DPP10: variants seen among roughly 807,000 people sequenced by gnomAD.
DPP10 encodes inactive dipeptidyl peptidase 10.
Under a neutral mutation model 120.9 loss-of-function variants are expected in DPP10, and 33 were observed. The observed-to-expected ratio is 0.27, with a 90% confidence interval of 0.21 to 0.37. The LOEUF (loss-of-function observed/expected upper bound fraction) is 0.37. Among genes scored for constraint, DPP10 ranks in the 10% least tolerant of loss-of-function variants. The pLI is 1.00. For missense variants in DPP10, 816 were observed against 942.8 expected (o/e 0.87, Z 1.76); for synonymous variants, 337 against 326.1 (o/e 1.03, Z -0.36).
intron 5 of DPP10, among the ~76,000 whole-genome samples, chr2:115,652,691 T>A (rs1197615666): frequency 6.6e-6 from 1 of 151,850 alleles, no homozygotes; most frequent in Non-Finnish European, 1.5e-5. Flanking sequence ...TGATGTACCA[T>A]TTCGAGAACA....
chr2:115,179,441 T>G (rs980643157), intron 1 of DPP10, among the ~76,000 whole-genome samples: 1 of 152,170 alleles, frequency 6.6e-6, no homozygotes, highest in Non-Finnish European at 1.5e-5. Context: ...CGTTTTCTTA[T>G]ATACCGTGGG....
intron 3 of DPP10, among the ~76,000 whole-genome samples, chr2:115,387,444 C>T (rs747534498): frequency 7.2e-5 from 11 of 152,204 alleles, no homozygotes; most frequent in Admixed American, 1.3e-4. Context: ...ATATTGTCCT[C>T]ATAACCAAAC....
chr2:114,567,858 G>A (rs1424558809), intron 1 of DPP10, among the ~76,000 whole-genome samples: 2 of 152,020 alleles, frequency 1.3e-5, no homozygotes, highest in African/African-American at 4.8e-5. Context: ...TGGGGCCTGT[G>A]GGAGGTCGGG....
intron 1 of DPP10, among the ~76,000 whole-genome samples, chr2:114,456,887 GTGTGGTCTATTCCTGGACAC>G (rs1381374522): frequency 6.0e-4 from 92 of 152,308 alleles, no homozygotes; most frequent in African/African-American, 2.0e-3. Context: ...ATTACAGTGT[GTGTGGTCTATTCCTGGACAC>G]TGTGGTTATA....
intron 5 of DPP10, among the ~76,000 whole-genome samples, chr2:115,605,575 A>G (rs1263796797): frequency 1.3e-5 from 2 of 152,092 alleles, no homozygotes; most frequent in Non-Finnish European, 2.9e-5. Context: ...AATGAACTAC[A>G]GATAAGAGGG....
intron 7 of DPP10, among the ~76,000 whole-genome samples, chr2:115,700,991 A>G (rs971441788): frequency 6.6e-6 from 1 of 152,144 alleles, no homozygotes; most frequent in African/African-American, 2.4e-5. Flanking sequence ...GGAAGATGTA[A>G]TCTTGTTATG....
At chr2:115,201,895 A>G (rs1448512995) in intron 1 of DPP10, among the ~76,000 whole-genome samples, 1 of 152,144 alleles carries the variant, frequency 6.6e-6, no homozygotes, top group African/African-American at 2.4e-5. Context: ...ACATTAGGGC[A>G]TTATCGGGTG....
chr2:114,898,596 C>A (rs1693262642), intron 1 of DPP10, among the ~76,000 whole-genome samples: 1 of 151,928 alleles, frequency 6.6e-6, no homozygotes, highest in African/African-American at 2.4e-5. Flanking sequence ...ACAGTTAAAT[C>A]TAAATGTAGC....
chr2:115,253,698 G>T (rs1204270016), intron 1 of DPP10, among the ~76,000 whole-genome samples: 1 of 152,188 alleles, frequency 6.6e-6, no homozygotes, highest in Non-Finnish European at 1.5e-5. Flanking sequence ...CACATCCAAG[G>T]CACACTGCTG....
intron 1 of DPP10, among the ~76,000 whole-genome samples, chr2:114,871,817 A>C (rs998580360): frequency 7.2e-5 from 11 of 152,244 alleles, no homozygotes; most frequent in African/African-American, 2.6e-4. Flanking sequence ...GCAAACTTTC[A>C]TCTGTATTTA....
At chr2:115,677,460 C>T (rs1393571756) in intron 5 of DPP10, among the ~76,000 whole-genome samples, 1 of 148,384 alleles carries the variant, frequency 6.7e-6, no homozygotes, top group Non-Finnish European at 1.5e-5. Flanking sequence ...TTTAAATTCC[C>T]CAATAAAAAG....
At chr2:115,628,770 T>C (rs1307628592) in intron 5 of DPP10, among the ~76,000 whole-genome samples, 1 of 151,852 alleles carries the variant, frequency 6.6e-6, no homozygotes, top group Non-Finnish European at 1.5e-5. Context: ...TTATTTTACA[T>C]TTATTTATTT....
At chr2:114,852,980 T>C (rs1689084800) in intron 1 of DPP10, among the ~76,000 whole-genome samples, 1 of 152,200 alleles carries the variant, frequency 6.6e-6, no homozygotes, top group Non-Finnish European at 1.5e-5. Flanking sequence ...GTGCAGGCTG[T>C]GTTTGATCAG....
At chr2:114,566,824 T>C (rs1255954352) in intron 1 of DPP10, among the ~76,000 whole-genome samples, 1 of 152,222 alleles carries the variant, frequency 6.6e-6, no homozygotes, top group African/African-American at 2.4e-5. Flanking sequence ...CCTCTGGAGC[T>C]GAGGCAGATT....
At position 114,655,063 on chromosome 2, in the gene DPP10, A is replaced by G. The variant is rs1384714927; in HGVS notation, c.60+212225A>G. On this transcript the variant is annotated intron_variant, in intron 1 of 25. Coordinates refer to ENST00000410059, the MANE Select transcript of DPP10 (RefSeq NM_020868.6). ...CCTGTAACTTCGGTGCTTCATACAC[A>G]AAATGGGAACAATTATAACTACCTC... Among the ~76,000 whole-genome samples, 6 of 152,316 alleles carry G rather than the reference A, an allele frequency of 3.9e-5. No individual in the cohort carries two copies. In the South Asian group the frequency reaches 1.2e-3, roughly 32 times the overall value.
chr2:114,562,628 A>G lies in DPP10; in HGVS notation c.60+119790A>G, dbSNP rs147109470. ...TACACTGAATTCCATAAAAGTGACA[A>G]ATGGTACAACATTGTAATAAATAGC... On this transcript the variant is annotated intron_variant, in intron 1 of 25. Coordinates refer to ENST00000410059, the MANE Select transcript of DPP10 (RefSeq NM_020868.6). Among the ~76,000 whole-genome samples, 978 of 152,340 alleles carry G rather than the reference A, an allele frequency of 6.4e-3. 11 individuals carry two copies. The highest frequency in any genetic ancestry group is 0.023 in the African/African-American group (949 of 41,572).
chr2:115,508,948 A>G (rs2077087912), intron 4 of DPP10, among the ~76,000 whole-genome samples: 1 of 152,164 alleles, frequency 6.6e-6, no homozygotes, highest in African/African-American at 2.4e-5. Context: ...AGATAAGTTG[A>G]CTAAGCAAGA....
intron 1 of DPP10, among the ~76,000 whole-genome samples, chr2:114,464,138 A>G (rs1679156173): frequency 6.6e-6 from 1 of 152,220 alleles, no homozygotes; most frequent in Non-Finnish European, 1.5e-5. Context: ...ATTCAAGTCA[A>G]TTGGGTAAAT....
intron 5 of DPP10, among the ~76,000 whole-genome samples, chr2:115,606,294 A>G (rs1558916831): frequency 6.6e-6 from 1 of 152,164 alleles, no homozygotes; most frequent in Non-Finnish European, 1.5e-5. Context: ...ATTTCTCAAT[A>G]TGTTCTTTCG....
Sources: gnomAD v4.1 joint callset for allele counts (sites outside exome capture counted in the v4.1 genomes callset) on GRCh38, gnomAD v4.1.1 for gene constraint, MANE v1.5 for transcripts, NCBI Gene and HGNC (gene_info 2026-07-23, HGNC 2026-07-21) for gene names.